The following STK32C variants were observed in gnomAD, a reference collection of about 807,000 sequenced individuals.
STK32C encodes the protein serine/threonine kinase 32C, also known as serine/threonine-protein kinase 32C.
In STK32C, 31 loss-of-function variants were observed where a neutral mutation model predicts 56.5. The ratio of observed to expected loss-of-function variants is 0.55; its 90% CI spans 0.41 to 0.74. The LOEUF is 0.74. Ranked by LOEUF, STK32C falls within the 30% of genes least tolerant of loss-of-function variation. The pLI, the probability that STK32C is intolerant of heterozygous loss-of-function variation, is 0.00. For synonymous variants in STK32C, 309 were observed against 289.4 expected (o/e 1.07, Z -0.69); for missense variants, 544 against 676.9 (o/e 0.80, Z 2.18).
intron 1 of STK32C, among the ~76,000 whole-genome samples, chr10:132,282,952 G>A (rs1437770225): frequency 4.6e-5 from 7 of 152,242 alleles, no homozygotes; most frequent in East Asian, 1.9e-4. Flanking sequence ...GGCTGGGGTC[G>A]GGGAGGCTGG....
At chr10:132,263,053 T>C (rs760281276) in intron 1 of STK32C, among the ~76,000 whole-genome samples, 2 of 152,176 alleles carry the variant, frequency 1.3e-5, no homozygotes, top group African/African-American at 2.4e-5. Flanking sequence ...TCTCAAAAAA[T>C]ATAGAACTAC....
At position 132,227,996 on chromosome 10, in the gene STK32C, C is replaced by G; in HGVS notation, c.451G>C (p.Val151Leu). 3.7e-6 allele frequency: 6 copies of G among 1,613,540 alleles called. No homozygotes were observed. Among genetic ancestry groups the G allele is most frequent in the Middle Eastern group, 1.6e-4 (1 of 6,062 alleles). The change falls in exon 3 of 12, where the codon GTC (valine) becomes CTC (leucine). Residue 151 changes from valine to leucine, a missense_variant. Val to Leu is a conservative substitution (Grantham distance 32). Transcript: ENST00000298630. ...GCTCACCAGAGGTTCACCAGGAAGA[C>G]GTGCTCGATCTCCTGCAGGATCTCC... ...ELEILQEIEH[V>L]FLVNLWYSFQ...
rs2062309795 is a variant in STK32C, at chr10:132,211,791, AC to A, written c.1252-2691del. On this transcript the variant is annotated intron_variant, in intron 10 of 11. Coordinates refer to ENST00000298630, the MANE Select transcript of STK32C (RefSeq NM_173575.4). Reference sequence around the variant, plus strand: ...CTCCCTCAGGGCAGGGACCTCTTGAACCGCAAGTGACGCTCCAGGTCCCCTG... The same window carrying A: ...CTCCCTCAGGGCAGGGACCTCTTGAACGCAAGTGACGCTCCAGGTCCCCTG... Among the ~76,000 whole-genome samples, 4 of 152,096 alleles carry A rather than the reference AC, an allele frequency of 2.6e-5. No homozygotes were observed. The South Asian group carries it at 8.3e-4, about 32-fold the overall frequency.
Position 132,228,126 on chromosome 10 carries a change from C to A in STK32C, c.321G>T (p.Val107=), listed in dbSNP as rs1265458082. 2 of 1,613,888 alleles carry A rather than the reference C, an allele frequency of 1.2e-6. No homozygotes were observed. The highest frequency in any genetic ancestry group is 1.7e-6 in the Non-Finnish European group (2 of 1,180,040). Residue 107 remains valine (V), a splice_region_variant and synonymous_variant, in exon 3 of 12, where the codon GTG becomes GTT. Coordinates refer to ENST00000298630, the MANE Select transcript of STK32C (RefSeq NM_173575.4). ...RAIGKGSFGK[V]CIVQKRDTEK... Reference sequence around the variant, plus strand: ...CCGTGTCCCGCTTCTGCACAATGCACACCTGGAGGGCACAGGGCTGTTCGG... The same window carrying A: ...CCGTGTCCCGCTTCTGCACAATGCAAACCTGGAGGGCACAGGGCTGTTCGG...
chr10:132,223,798 G>A (rs973053776), intron 8 of STK32C, among the ~76,000 whole-genome samples: 4 of 152,204 alleles, frequency 2.6e-5, no homozygotes, highest in African/African-American at 4.8e-5. Flanking sequence ...GCCTGGCTCT[G>A]ACTCCGAACC....
chr10:132,237,286 A>G (rs1441106627), intron 2 of STK32C, among the ~76,000 whole-genome samples: 1 of 152,174 alleles, frequency 6.6e-6, no homozygotes, highest in Admixed American at 6.5e-5. Context: ...ACCTGACCAG[A>G]GGCCAGTAGG....
At chr10:132,319,468 T>A (rs1025005795), downstream of STK32C, among the ~76,000 whole-genome samples, 5 of 152,132 alleles carry the variant, frequency 3.3e-5, no homozygotes, top group African/African-American at 1.2e-4. Context: ...AAATAGTATA[T>A]CCATTCAACA....
At chr10:132,223,027 C>A in intron 8 of STK32C, 41 bp from the exon 9 acceptor site, 1 of 1,533,912 alleles carries the variant, frequency 6.5e-7, no homozygotes, top group Non-Finnish European at 8.7e-7. Flanking sequence ...GGCCCACAGC[C>A]CACCAGCACG....
Position 132,272,325 on chromosome 10 carries a change from C to T in STK32C, c.263-26370G>A, listed in dbSNP as rs1047528549. ...CCTCAGAGGCAGCCAACCCTGCCGGCGCGTGGTCTCGGACTTCCAGCCTCC... is the reference window on the plus strand; with the variant it reads ...CCTCAGAGGCAGCCAACCCTGCCGGTGCGTGGTCTCGGACTTCCAGCCTCC... On this transcript the variant is annotated intron_variant, in intron 1 of 11. Transcript: ENST00000298630. Among the ~76,000 whole-genome samples, 18 of 152,364 alleles carry T rather than the reference C, an allele frequency of 1.2e-4. 1 individual carries two copies. The South Asian group carries it at 1.2e-3, about 11-fold the overall frequency.
At chr10:132,225,646 C>T in intron 5 of STK32C, 30 bp from the exon 6 acceptor site, 1 of 1,608,094 alleles carries the variant, frequency 6.2e-7, no homozygotes, top group Non-Finnish European at 8.5e-7. Flanking sequence ...GTGTGGCTGT[C>T]CCAGGACCAG....
intron 4 of STK32C, 150 bp from the exon 5 acceptor site, chr10:132,225,934 T>A: frequency 2.9e-6 from 3 of 1,025,484 alleles, no homozygotes; most frequent in Non-Finnish European, 2.9e-6. Flanking sequence ...TGGATGATGC[T>A]AGGACCTCAC....
chr10:132,222,848 C>A lies in STK32C; in HGVS notation c.1119+13G>T. 6.3e-7 allele frequency: 1 copy of A among 1,590,476 alleles called. No individual in the cohort carries two copies. The highest frequency in any genetic ancestry group is 8.5e-7 in the Non-Finnish European group (1 of 1,169,986). ...TCCCCAGGGCCCCCCACCTGAGCCG[C>A]CCACAGGCTTACGTTGGGCACGAAG... On this transcript the variant is annotated intron_variant, in intron 9 of 11. Transcript: ENST00000298630.
chr10:132,272,724 C>T (rs1436968589), intron 1 of STK32C, among the ~76,000 whole-genome samples: 2 of 152,240 alleles, frequency 1.3e-5, no homozygotes, highest in African/African-American at 4.8e-5. Context: ...CTATTCTCAA[C>T]AAAGCTGCAG....
intron 1 of STK32C, among the ~76,000 whole-genome samples, chr10:132,265,103 G>A (rs1325246971): frequency 1.8e-3 from 178 of 99,092 alleles, no homozygotes; most frequent in African/African-American, 4.4e-3. Flanking sequence ...CCTCAAGGGC[G>A]GTGAGGTGGG....
chr10:132,236,496 C>T (rs1278397058), intron 2 of STK32C, among the ~76,000 whole-genome samples: 2 of 152,228 alleles, frequency 1.3e-5, no homozygotes, highest in East Asian at 1.9e-4. Context: ...GGGCCCAGCG[C>T]AGTGGCGAGG....
chr10:132,284,352 A>G (rs1404082022), intron 1 of STK32C, among the ~76,000 whole-genome samples: 46 of 10,892 alleles, frequency 4.2e-3, no homozygotes, highest in African/African-American at 0.016. Context: ...GTTGGGGGGA[A>G]CAGGTGAGGT....
intron 2 of STK32C, among the ~76,000 whole-genome samples, chr10:132,228,699 GAA>G (rs2062985700): frequency 6.6e-6 from 1 of 152,188 alleles, no homozygotes; most frequent in Non-Finnish European, 1.5e-5. Flanking sequence ...ACTGGGGAAT[GAA>G]TGCGAAAACC....
chr10:132,299,725 A>G (rs2065858755), intron 1 of STK32C, among the ~76,000 whole-genome samples: 1 of 152,260 alleles, frequency 6.6e-6, no homozygotes, highest in Non-Finnish European at 1.5e-5. Flanking sequence ...CTGATAAGTC[A>G]CTAGTGTAGG....
intron 1 of STK32C, among the ~76,000 whole-genome samples, chr10:132,293,191 A>T (rs773845750): frequency 1.3e-5 from 2 of 151,796 alleles, no homozygotes; most frequent in Non-Finnish European, 2.9e-5. Flanking sequence ...GGCAGGACTT[A>T]GAGTGGGCCT....
Sources: allele counts gnomAD v4.1 joint callset (sites outside exome capture counted in the v4.1 genomes callset), GRCh38; gene constraint gnomAD v4.1.1; transcripts MANE v1.5; gene names NCBI Gene and HGNC (gene_info 2026-07-23, HGNC 2026-07-21).